PRELID2: variants seen among roughly 807,000 people sequenced by gnomAD.
PRELID2 encodes the protein PRELI domain-containing protein 2.
PRELID2 carries 25 observed loss-of-function variants against 28.4 expected under a neutral mutation model. The observed-to-expected ratio is 0.88, with a 90% CI of 0.64 to 1.23. The LOEUF (loss-of-function observed/expected upper bound fraction) is 1.23, where lower values mean the gene tolerates loss of function less well. Among genes scored for constraint, PRELID2 ranks in the 50% most tolerant of loss-of-function variants. PRELID2 has a pLI of 0.00. For synonymous variants in PRELID2, 76 were observed against 71.6 expected (o/e 1.06, Z -0.31); for missense variants, 201 against 214.4 (o/e 0.94, Z 0.39).
intron 1 of PRELID2, among the ~76,000 whole-genome samples, chr5:145,676,858 T>G (rs1039040744): frequency 6.6e-6 from 1 of 152,156 alleles, no homozygotes; most frequent in Non-Finnish European, 1.5e-5. Flanking sequence ...AAATTTAGAC[T>G]ACAAGAAACT....
chr5:145,586,447 A>G (rs1753156080), intron 1 of PRELID2, among the ~76,000 whole-genome samples: 1 of 152,120 alleles, frequency 6.6e-6, no homozygotes, highest in African/African-American at 2.4e-5. Context: ...GTTCACAACC[A>G]GCCTGGGCAA....
the PRELID2 span, among the ~76,000 whole-genome samples, chr5:145,273,138 A>G: frequency 2.0e-5 from 3 of 152,176 alleles, no homozygotes; most frequent in Non-Finnish European, 2.9e-5. Flanking sequence ...GTTCGGGCAC[A>G]TAATTATATT....
At chr5:145,543,725 G>T (rs1399022730) in intron 1 of PRELID2, among the ~76,000 whole-genome samples, 1 of 151,990 alleles carries the variant, frequency 6.6e-6, no homozygotes. Flanking sequence ...AGTAGAAATT[G>T]GCATTTTTTT....
At chr5:145,445,307 G>A in the PRELID2 span, among the ~76,000 whole-genome samples, 1 of 152,038 alleles carries the variant, frequency 6.6e-6, no homozygotes, top group Non-Finnish European at 1.5e-5. Flanking sequence ...AAACGGTGCT[G>A]AGAAAACTGG....
At chr5:145,775,141 G>C (rs1318081801) in intron 5 of PRELID2, among the ~76,000 whole-genome samples, 1 of 152,064 alleles carries the variant, frequency 6.6e-6, no homozygotes. Context: ...TCAGGAGGCT[G>C]AGGTTGGAGA....
intron 1 of PRELID2, among the ~76,000 whole-genome samples, chr5:145,667,534 T>G (rs1348160215): frequency 6.6e-6 from 1 of 152,080 alleles, no homozygotes; most frequent in Non-Finnish European, 1.5e-5. Flanking sequence ...TAGGATTGCA[T>G]GCTCAGTGAG....
chr5:145,275,156 T>C, the PRELID2 span, among the ~76,000 whole-genome samples: 3 of 152,070 alleles, frequency 2.0e-5, no homozygotes, highest in African/African-American at 7.2e-5. Flanking sequence ...CATATGAATT[T>C]TGGAGGACAC....
intron 1 of PRELID2, among the ~76,000 whole-genome samples, chr5:145,832,882 C>T (rs1198308756): frequency 6.6e-6 from 1 of 152,162 alleles, no homozygotes; most frequent in East Asian, 1.9e-4. Context: ...TCAGGAAAGC[C>T]TTTCCTAAAG....
chr5:145,620,465 T>C (rs527983085), intron 1 of PRELID2, among the ~76,000 whole-genome samples: 5 of 152,296 alleles, frequency 3.3e-5, no homozygotes, highest in African/African-American at 9.6e-5. Flanking sequence ...GTGGGGGATA[T>C]TGAAAATGGG....
At chr5:145,390,998 G>T in the PRELID2 span, among the ~76,000 whole-genome samples, 18 of 152,158 alleles carry the variant, frequency 1.2e-4, no homozygotes, top group African/African-American at 3.9e-4. Context: ...ACATCACACT[G>T]ATGCAAGAAA....
At chr5:145,486,281 A>C (rs893232329) in intron 1 of PRELID2, among the ~76,000 whole-genome samples, 1 of 152,190 alleles carries the variant, frequency 6.6e-6, no homozygotes. Context: ...TATAGTTTGC[A>C]TGGGGGTCTA....
chr5:145,757,385 C>T lies in PRELID2; in HGVS notation c.*3151G>A, dbSNP rs1022713528. ...ACTGAAATTCCACGAATCAGAATCG[C>T]TGGGGAAAGGGACTGAGAACCTGCA... On this transcript the variant is annotated 3_prime_UTR_variant, in exon 7 of 7. Transcript: ENST00000683046. Among the ~76,000 whole-genome samples, 3 of 152,208 alleles carry T rather than the reference C, an allele frequency of 2.0e-5. No individual in the cohort carries two copies. The highest frequency in any genetic ancestry group is 7.2e-5 in the African/African-American group (3 of 41,454).
At chr5:145,330,298 A>G in the PRELID2 span, among the ~76,000 whole-genome samples, 265 of 152,314 alleles carry the variant, frequency 1.7e-3, 1 homozygote, top group African/African-American at 6.1e-3. Flanking sequence ...AAAATGAGTT[A>G]GGGAAGAGTT....
chr5:145,539,224 C>A (rs549162629), intron 1 of PRELID2, among the ~76,000 whole-genome samples: 1 of 152,000 alleles, frequency 6.6e-6, no homozygotes, highest in Non-Finnish European at 1.5e-5. Context: ...TTATTACCAG[C>A]TATTAACTGG....
chr5:145,236,852 T>C, the PRELID2 span, among the ~76,000 whole-genome samples: 2 of 152,076 alleles, frequency 1.3e-5, no homozygotes, highest in East Asian at 3.9e-4. Context: ...TTTGGAAAAA[T>C]AGCCACAGTT....
chr5:145,509,510 G>A (rs1275619135), intron 1 of PRELID2, among the ~76,000 whole-genome samples: 1 of 152,132 alleles, frequency 6.6e-6, no homozygotes. Flanking sequence ...CATTATCCAG[G>A]CTGCCTGGGC....
intron 1 of PRELID2, among the ~76,000 whole-genome samples, chr5:145,683,707 T>C (rs539078644): frequency 0.034 from 5,163 of 152,222 alleles, 282 homozygotes; most frequent in African/African-American, 0.12. Flanking sequence ...CAAATACAGA[T>C]ACTCTCAGAT....
the PRELID2 span, among the ~76,000 whole-genome samples, chr5:145,314,500 T>C: frequency 6.6e-6 from 1 of 152,168 alleles, no homozygotes; most frequent in Non-Finnish European, 1.5e-5. Flanking sequence ...AAATTTATAA[T>C]AGTGTGGAAA....
the PRELID2 span, among the ~76,000 whole-genome samples, chr5:145,301,434 A>G: frequency 6.6e-6 from 1 of 152,114 alleles, no homozygotes; most frequent in Non-Finnish European, 1.5e-5. Context: ...TATAACATGG[A>G]TATTTTCTGC....
Sources: gnomAD v4.1 joint callset for allele counts (sites outside exome capture counted in the v4.1 genomes callset) on GRCh38, gnomAD v4.1.1 for gene constraint, MANE v1.5 for transcripts, NCBI Gene and HGNC (gene_info 2026-07-23, HGNC 2026-07-21) for gene names.